Variants in KLHL29 observed in about 807,000 individuals in gnomAD.
The protein encoded by KLHL29 is kelch like family member 29.
A neutral mutation model predicts 80.4 loss-of-function variants in KLHL29; 21 were observed. That is an observed-to-expected ratio of 0.26 (90% CI 0.19 to 0.38). KLHL29 has a LOEUF of 0.38. Among genes scored for constraint, KLHL29 ranks in the 10% least tolerant of loss-of-function variants. KLHL29 has a pLI of 1.00. For missense variants in KLHL29, 867 were observed against 1,223.9 expected, an observed-to-expected ratio of 0.71 and a Z score of 4.35; for synonymous variants, 511 against 526.8, an observed-to-expected ratio of 0.97 and a Z score of 0.41.
At chr2:23,662,848 A>G (rs1670450825) in intron 5 of KLHL29, among the ~76,000 whole-genome samples, 2 of 152,178 alleles carry the variant, frequency 1.3e-5, no homozygotes, top group Admixed American at 6.5e-5. Flanking sequence ...GGGAAGGGTG[A>G]GCAGGAAGCA....
chr2:23,658,609 G>A (rs902252799), intron 5 of KLHL29, among the ~76,000 whole-genome samples: 3 of 152,314 alleles, frequency 2.0e-5, no homozygotes, highest in African/African-American at 4.8e-5. Flanking sequence ...GGGCCATCTC[G>A]TTGTCTGTCA....
At chr2:23,449,123 A>G (rs1418807890) in intron 1 of KLHL29, among the ~76,000 whole-genome samples, 2 of 152,108 alleles carry the variant, frequency 1.3e-5, no homozygotes, top group African/African-American at 2.4e-5. Context: ...GTACTGCCTC[A>G]CAGGAATCCC....
intron 2 of KLHL29, among the ~76,000 whole-genome samples, chr2:23,498,177 A>G (rs964337318): frequency 2.6e-5 from 4 of 152,130 alleles, no homozygotes; most frequent in African/African-American, 4.8e-5. Context: ...ACACCATCCT[A>G]TTCATATATT....
At chr2:23,549,995 G>T (rs1460242171) in intron 2 of KLHL29, among the ~76,000 whole-genome samples, 2 of 152,152 alleles carry the variant, frequency 1.3e-5, no homozygotes, top group African/African-American at 2.4e-5. Flanking sequence ...CCACCCTGGG[G>T]TTCTGGGTCT....
intron 2 of KLHL29, among the ~76,000 whole-genome samples, chr2:23,535,623 A>T (rs1214953209): frequency 2.0e-5 from 3 of 152,224 alleles, no homozygotes; most frequent in Non-Finnish European, 2.9e-5. Flanking sequence ...ATGAACCTTG[A>T]AGACATTATG....
intron 5 of KLHL29, among the ~76,000 whole-genome samples, chr2:23,650,891 G>A (rs995030537): frequency 6.6e-6 from 1 of 152,150 alleles, no homozygotes; most frequent in Non-Finnish European, 1.5e-5. Context: ...CCATGGCGTG[G>A]TATGTGTGCC....
At chr2:23,521,074 C>T (rs576705306) in intron 2 of KLHL29, among the ~76,000 whole-genome samples, 18 of 151,302 alleles carry the variant, frequency 1.2e-4, no homozygotes, top group East Asian at 1.9e-4. Flanking sequence ...CGTACATAAC[C>T]GGATGGCTAG....
intron 1 of KLHL29, among the ~76,000 whole-genome samples, chr2:23,387,864 T>C (rs1666224456): frequency 6.6e-6 from 1 of 152,222 alleles, no homozygotes; most frequent in Admixed American, 6.5e-5. Flanking sequence ...GCATTTAAAT[T>C]GGTTTATGGG....
intron 5 of KLHL29, among the ~76,000 whole-genome samples, chr2:23,646,234 C>T (rs992355382): frequency 7.2e-5 from 11 of 152,174 alleles, no homozygotes; most frequent in African/African-American, 1.9e-4. Context: ...GCTCAGGCCT[C>T]GGTGAGACCT....
chr2:23,648,793 T>C (rs1670008301), intron 5 of KLHL29, among the ~76,000 whole-genome samples: 1 of 152,224 alleles, frequency 6.6e-6, no homozygotes, highest in Non-Finnish European at 1.5e-5. Context: ...ATTGTGAGGA[T>C]GTGGCTTGCA....
At chr2:23,479,574 G>C (rs895294280) in intron 2 of KLHL29, among the ~76,000 whole-genome samples, 1 of 152,108 alleles carries the variant, frequency 6.6e-6, no homozygotes, top group African/African-American at 2.4e-5. Context: ...TGCTTCAGCT[G>C]TTCCCAGACT....
At chr2:23,509,298 G>T (rs1030617269) in intron 2 of KLHL29, among the ~76,000 whole-genome samples, 1 of 152,208 alleles carries the variant, frequency 6.6e-6, no homozygotes, top group Non-Finnish European at 1.5e-5. Flanking sequence ...CTGAGGCTGG[G>T]AAGTGCTGTA....
chr2:23,468,688 T>C (rs1278357959), intron 1 of KLHL29, among the ~76,000 whole-genome samples: 1 of 152,206 alleles, frequency 6.6e-6, no homozygotes, highest in Non-Finnish European at 1.5e-5. Context: ...TTGGTCTGGC[T>C]AGAGGGCTTG....
chr2:23,633,500 CT>C (rs1382761390), intron 3 of KLHL29, among the ~76,000 whole-genome samples: 1 of 149,088 alleles, frequency 6.7e-6, no homozygotes, highest in African/African-American at 2.5e-5. Flanking sequence ...TTACTTTTTT[CT>C]TTTTTAGTGG....
intron 1 of KLHL29, among the ~76,000 whole-genome samples, chr2:23,420,329 C>G (rs961656146): frequency 2.6e-5 from 4 of 152,226 alleles, no homozygotes; most frequent in African/African-American, 9.6e-5. Flanking sequence ...ACTGCTTCCT[C>G]CTGCCTGAAA....
chr2:23,646,308 A>G (rs1196258640), intron 5 of KLHL29, among the ~76,000 whole-genome samples: 2 of 152,240 alleles, frequency 1.3e-5, no homozygotes, highest in African/African-American at 4.8e-5. Flanking sequence ...GACAGAGCAC[A>G]GGCTATGAAT....
intron 2 of KLHL29, among the ~76,000 whole-genome samples, chr2:23,481,748 T>C (rs1415975507): frequency 1.3e-5 from 2 of 152,272 alleles, no homozygotes; most frequent in East Asian, 3.9e-4. Flanking sequence ...AAACGCTGTC[T>C]CTACTAGAAA....
At chr2:23,418,660 C>T (rs1292382075) in intron 1 of KLHL29, among the ~76,000 whole-genome samples, 2 of 152,162 alleles carry the variant, frequency 1.3e-5, no homozygotes, top group African/African-American at 2.4e-5. Flanking sequence ...GAAGCCTGGA[C>T]GCCAGCAGTG....
intron 3 of KLHL29, among the ~76,000 whole-genome samples, chr2:23,602,602 G>A (rs2103524074): frequency 6.8e-6 from 1 of 148,018 alleles, no homozygotes; most frequent in Non-Finnish European, 1.5e-5. Context: ...CCAGGCAGCT[G>A]CTCTACGTGA....
Sources: allele counts gnomAD v4.1 joint callset (sites outside exome capture counted in the v4.1 genomes callset), GRCh38; gene constraint gnomAD v4.1.1; transcripts MANE v1.5; gene names NCBI Gene and HGNC (gene_info 2026-07-23, HGNC 2026-07-21).